Variants in ATXN2 observed in about 807,000 individuals in gnomAD.
ATXN2 encodes ataxin-2.
In ATXN2, 37 loss-of-function variants were observed where a neutral mutation model predicts 138.6. The observed-to-expected ratio is 0.27, with a 90% CI of 0.21 to 0.35. ATXN2 has a LOEUF of 0.35. Among genes scored for constraint, ATXN2 ranks in the 10% least tolerant of loss-of-function variants. The pLI, the probability that ATXN2 is intolerant of heterozygous loss-of-function variation, is 1.00. For missense variants in ATXN2, 1,216 were observed against 1,480.3 expected, an observed-to-expected ratio of 0.82 and a Z score of 2.93; for synonymous variants, 549 against 543.7, an observed-to-expected ratio of 1.01 and a Z score of -0.13.
intron 1 of ATXN2, among the ~76,000 whole-genome samples, chr12:111,582,361 T>C (rs377736558): frequency 2.1e-5 from 3 of 145,094 alleles, no homozygotes; most frequent in African/African-American, 7.7e-5. Flanking sequence ...CAGAACTGCT[T>C]GAACTCGGGA....
chr12:111,519,995 T>A lies in ATXN2; in HGVS notation c.870A>T (p.Ser290=). 6.2e-7 allele frequency: 1 copy of A among 1,614,202 alleles called. No homozygotes were observed. Residue 290 remains serine (S), a synonymous_variant, in exon 8 of 25, where the codon TCA becomes TCT. Coordinates refer to ENST00000673436, the MANE Select transcript of ATXN2 (RefSeq NM_001372574.1). ...CCACTCGAGCTTTGTACTGGGCACT[T>A]GACTCAATTTCTTCTGCTAACTGGT... is the stretch of plus-strand genomic sequence containing the variant. ...RANQLAEEIE[S]SAQYKARVAL...
At chr12:111,563,785 G>A (rs1882831488) in intron 1 of ATXN2, among the ~76,000 whole-genome samples, 1 of 152,086 alleles carries the variant, frequency 6.6e-6, no homozygotes, top group Non-Finnish European at 1.5e-5. Flanking sequence ...CATTGTCCAA[G>A]GCATTTTTTA....
In ATXN2 at chr12:111,509,909, A is replaced by T; in HGVS notation, c.1846T>A (p.Ser616Thr). The T allele has an allele frequency of 1.2e-6, 2 of 1,611,868 alleles. No individual in the cohort carries two copies. Among genetic ancestry groups the T allele is most frequent in the Non-Finnish European group, 1.7e-6 (2 of 1,178,432 alleles). The change falls in exon 13 of 25, where the codon TCA (serine) becomes ACA (threonine). Residue 616 changes from serine (S) to threonine (T), a missense_variant. Ser to Thr is a moderately conservative substitution (Grantham distance 58). This residue lies in a region of ATXN2 where 215 missense variants were observed against 210.0 expected (regional missense o/e 1.02). Coordinates refer to ENST00000673436, the MANE Select transcript of ATXN2 (RefSeq NM_001372574.1). The part of the protein sequence containing the change: ...IKPNETSPSF[S>T]KAENKGISPV... Reference sequence around the variant, plus strand: ...CTCTAACCTTTGTTTTCAGCTTTTGAGAAGCTAGGTGATGTTTCATTGGGT... The same window carrying T: ...CTCTAACCTTTGTTTTCAGCTTTTGTGAAGCTAGGTGATGTTTCATTGGGT...
rs562301102 is a variant in ATXN2 at position 111,472,272 on chromosome 12, AG to A, written c.2525-1531del. On this transcript the variant is annotated intron_variant, in intron 18 of 24. Transcript: ENST00000673436. ...AAGAAGTGAGACCCTGTCTCAAAAA[AG>A]GGGAGGGTAGGGGACAGGAGGGGAA... Among the ~76,000 whole-genome samples the A allele has an allele frequency of 1.2e-3, 177 of 152,294 alleles. 1 individual carries two copies. Among genetic ancestry groups the A allele is most frequent in the African/African-American group, 3.7e-3 (153 of 41,570 alleles).
chr12:111,537,988 TAATC>T, intron 5 of ATXN2, among the ~76,000 whole-genome samples: 1 of 151,746 alleles, frequency 6.6e-6, no homozygotes, highest in Non-Finnish European at 1.5e-5. Context: ...AGTCCCAGCT[TAATC>T]AGGAGGCTAA....
rs1167465837 is a variant in ATXN2 at position 111,470,887 on chromosome 12, T to TGATA, written c.2525-146_2525-145insTATC. ...CATACCACTCCCACTTCTGCCACTCTGGGTTATTTTCCTATCATGCATGCT... is the reference window on the plus strand; with the variant it reads ...CATACCACTCCCACTTCTGCCACTCTGATAGGGTTATTTTCCTATCATGCATGCT... On this transcript the variant is annotated intron_variant, in intron 18 of 24. Coordinates refer to ENST00000673436, the MANE Select transcript of ATXN2 (RefSeq NM_001372574.1). The TGATA allele has an allele frequency of 6.8e-5, 56 of 818,426 alleles. No homozygotes were observed. In the East Asian group the frequency reaches 7.0e-4, roughly 10 times the overall value. The allele number at this position is 818,426 out of a possible 1,614,324, so 50.7% of individuals were successfully genotyped here. A position where few individuals can be genotyped will look rare whatever the true frequency, so the allele number is the denominator to read the frequency against.
chr12:111,484,181 A>G (rs973759391), intron 18 of ATXN2, among the ~76,000 whole-genome samples: 15 of 152,320 alleles, frequency 9.8e-5, no homozygotes, highest in African/African-American at 3.1e-4. Context: ...GTAGGTATAT[A>G]TAAAGCAAGG....
At chr12:111,539,932 A>T (rs1337527578) in intron 5 of ATXN2, among the ~76,000 whole-genome samples, 2 of 150,382 alleles carry the variant, frequency 1.3e-5, no homozygotes, top group Non-Finnish European at 3.0e-5. Context: ...AACCTATGGC[A>T]AAAGTGTTCA....
chr12:111,587,355 C>T (rs894542584), intron 1 of ATXN2, among the ~76,000 whole-genome samples: 2 of 152,078 alleles, frequency 1.3e-5, no homozygotes, highest in Admixed American at 6.6e-5. Flanking sequence ...ATATGAAAAA[C>T]GTCAATGAAA....
At chr12:111,531,361 G>A (rs1195222867) in intron 5 of ATXN2, among the ~76,000 whole-genome samples, 4 of 152,194 alleles carry the variant, frequency 2.6e-5, no homozygotes, top group South Asian at 2.1e-4. Flanking sequence ...CTACTAGGGA[G>A]GCGGAGGTTG....
intron 5 of ATXN2, among the ~76,000 whole-genome samples, chr12:111,540,589 G>T (rs1421765859): frequency 2.0e-5 from 3 of 150,148 alleles, no homozygotes; most frequent in African/African-American, 7.3e-5. Context: ...AAGTGAGGAG[G>T]GCCACCTTTT....
chr12:111,466,079 C>A (rs1018581753), intron 20 of ATXN2, among the ~76,000 whole-genome samples: 2 of 150,702 alleles, frequency 1.3e-5, no homozygotes, highest in Admixed American at 1.3e-4. Context: ...GGCAGGAGAA[C>A]TGCTTGAACC....
At chr12:111,475,125 A>G (rs1488316269) in intron 18 of ATXN2, among the ~76,000 whole-genome samples, 6 of 151,904 alleles carry the variant, frequency 3.9e-5, no homozygotes, top group Non-Finnish European at 7.4e-5. Context: ...GAGGCAGGAG[A>G]ATGGCATGAA....
At chr12:111,462,963 CATATAT>C (rs371550351) in intron 21 of ATXN2, among the ~76,000 whole-genome samples, 47 of 148,292 alleles carry the variant, frequency 3.2e-4, no homozygotes, top group African/African-American at 1.2e-3. Flanking sequence ...TACACACATA[CATATAT>C]ATATATATAC....
In ATXN2 at chr12:111,453,303, C is replaced by T; in HGVS notation, c.3439+374G>A. 9.4e-7 allele frequency: 1 copy of T among 1,063,874 alleles called. No homozygotes were observed. The highest frequency in any genetic ancestry group is 1.1e-6 in the Non-Finnish European group (1 of 881,580). The allele number at this position is 1,063,874 out of a possible 1,614,324, so 65.9% of individuals were successfully genotyped here. On this transcript the variant is annotated intron_variant, in intron 24 of 24. Coordinates refer to ENST00000673436, the MANE Select transcript of ATXN2 (RefSeq NM_001372574.1). The surrounding 1 kb of genome is among the most constrained non-coding windows in gnomAD (Gnocchi z 5.4). ...GCAGTATCTTCTCCAGAGCTACAAT[C>T]AAACTCTGCCATGGTAATAACCCCC...
Position 111,581,712 on chromosome 12 carries a change from T to C in ATXN2, c.251+17072A>G, listed in dbSNP as rs748384145. 58 of 670,948 alleles carry C rather than the reference T, an allele frequency of 8.6e-5. 1 individual carries two copies. In the Middle Eastern group the frequency reaches 1.6e-3, roughly 18 times the overall value. 41.6% of individuals were successfully genotyped at this position (670,948 alleles called of 1,614,324 possible). On this transcript the variant is annotated intron_variant, in intron 1 of 24. Coordinates refer to ENST00000673436, the MANE Select transcript of ATXN2 (RefSeq NM_001372574.1). ...AAGTGCCTGAACATCTGGGCCCTGA[T>C]TGTGCGCATCATTACGACCATTCTG...
intron 20 of ATXN2, chr12:111,468,696 C>CTTTTTTTTTT: frequency 9.2e-6 from 1 of 108,492 alleles, no homozygotes; most frequent in African/African-American, 3.7e-5. Flanking sequence ...TCTGTAAATT[C>CTTTTTTTTTT]TTTTTTTTTT....
intron 5 of ATXN2, among the ~76,000 whole-genome samples, chr12:111,542,533 C>G (rs1881576937): frequency 6.6e-6 from 1 of 152,184 alleles, no homozygotes; most frequent in Admixed American, 6.5e-5. Flanking sequence ...GTGGCATAAC[C>G]ACAGCTCACT....
intron 21 of ATXN2, chr12:111,461,126 C>A (rs1281184040): frequency 6.6e-6 from 1 of 152,140 alleles, no homozygotes; most frequent in Non-Finnish European, 1.5e-5. Flanking sequence ...CTCAAAAGAT[C>A]TGAAAGAAGT....
Sources: allele counts gnomAD v4.1 joint callset (sites outside exome capture counted in the v4.1 genomes callset), GRCh38; gene constraint gnomAD v4.1.1; regional missense constraint gnomAD v4.1.1; non-coding constraint Gnocchi (gnomAD v3.1); transcripts MANE v1.5; gene names NCBI Gene and HGNC (gene_info 2026-07-23, HGNC 2026-07-21).